PTPRG: variants seen among roughly 807,000 people sequenced by gnomAD.
PTPRG encodes protein tyrosine phosphatase receptor type G.
In PTPRG, 102 loss-of-function variants were observed where a neutral mutation model predicts 165.3. That is an observed-to-expected ratio of 0.62 (90% CI 0.53 to 0.73). The LOEUF is 0.73. Among genes scored for constraint, PTPRG ranks in the 30% least tolerant of loss-of-function variants. The probability of loss-of-function intolerance (pLI) is 0.00; values close to 1 mark genes in which losing one functional copy is unlikely to be tolerated. For missense variants in PTPRG, 1,866 were observed against 1,861.4 expected (o/e 1.00, Z -0.05); for synonymous variants, 675 against 669.5 (o/e 1.01, Z -0.13).
At chr3:62,239,793 C>T (rs1701118027) in intron 14 of PTPRG, among the ~76,000 whole-genome samples, 1 of 152,070 alleles carries the variant, frequency 6.6e-6, no homozygotes, top group Non-Finnish European at 1.5e-5. Flanking sequence ...CTCCAAAATC[C>T]CTGCTTTTGC....
chr3:62,244,301 A>G (rs910569950), intron 15 of PTPRG, among the ~76,000 whole-genome samples: 1 of 152,242 alleles, frequency 6.6e-6, no homozygotes, highest in African/African-American at 2.4e-5. Flanking sequence ...AGAGGAATAC[A>G]TTACTGGTCT....
chr3:61,678,933 AT>A (rs113310833), intron 1 of PTPRG, among the ~76,000 whole-genome samples: 1 of 151,046 alleles, frequency 6.6e-6, no homozygotes, highest in African/African-American at 2.4e-5. Context: ...ATTATGTGCA[AT>A]TTTTTTTTCC....
At chr3:61,774,799 G>A (rs947258020) in intron 2 of PTPRG, among the ~76,000 whole-genome samples, 5 of 152,104 alleles carry the variant, frequency 3.3e-5, no homozygotes, top group South Asian at 2.1e-4. Context: ...GCAGCTTCTC[G>A]GGTTGTTAAG....
chr3:62,183,190 G>C (rs1705727826), intron 8 of PTPRG, among the ~76,000 whole-genome samples: 1 of 152,202 alleles, frequency 6.6e-6, no homozygotes, highest in Non-Finnish European at 1.5e-5. Flanking sequence ...ATTCCCGTGA[G>C]GATTTGATGA....
At chr3:61,971,760 T>A (rs1446333553) in intron 2 of PTPRG, among the ~76,000 whole-genome samples, 1 of 152,276 alleles carries the variant, frequency 6.6e-6, no homozygotes, top group Non-Finnish European at 1.5e-5. Flanking sequence ...GTAAATTTAC[T>A]AAGAGTCATT....
chr3:62,172,121 G>T (rs528119877), intron 8 of PTPRG, among the ~76,000 whole-genome samples: 33 of 152,262 alleles, frequency 2.2e-4, no homozygotes, highest in African/African-American at 7.2e-4. Flanking sequence ...ATATGTGGAG[G>T]TGCCATGTTT....
intron 4 of PTPRG, among the ~76,000 whole-genome samples, chr3:62,063,715 C>A (rs11719421): frequency 0.064 from 9,743 of 152,164 alleles, 451 homozygotes; most frequent in Non-Finnish European, 0.098. Context: ...GTTGCCCAGG[C>A]TAGTCTTGAA....
intron 2 of PTPRG, among the ~76,000 whole-genome samples, chr3:61,804,294 G>A (rs958708321): frequency 5.9e-5 from 9 of 152,308 alleles, no homozygotes; most frequent in African/African-American, 2.2e-4. Context: ...TCTCTTACTG[G>A]AAAGATGTGG....
At chr3:61,768,345 A>G (rs559737267) in intron 2 of PTPRG, among the ~76,000 whole-genome samples, 1 of 152,306 alleles carries the variant, frequency 6.6e-6, no homozygotes, top group African/African-American at 2.4e-5. Context: ...TTAGCTACCT[A>G]GAGATTTAAA....
intron 1 of PTPRG, among the ~76,000 whole-genome samples, chr3:61,681,677 A>T (rs1257316660): frequency 6.6e-6 from 1 of 152,212 alleles, no homozygotes; most frequent in African/African-American, 2.4e-5. Flanking sequence ...TTTAGATGAG[A>T]TAATACATGT....
chr3:61,571,362 G>A (rs191063602), intron 1 of PTPRG, among the ~76,000 whole-genome samples: 5 of 152,254 alleles, frequency 3.3e-5, no homozygotes, highest in African/African-American at 9.6e-5. Flanking sequence ...AGAGAGTATG[G>A]AAACTATTTT....
intron 1 of PTPRG, among the ~76,000 whole-genome samples, chr3:61,679,522 C>T (rs577325186): frequency 7.9e-5 from 12 of 152,256 alleles, no homozygotes; most frequent in East Asian, 5.8e-4. Flanking sequence ...CCGTGGCTCA[C>T]GTCTGTAATC....
At chr3:62,092,631 C>G (rs1270367051) in intron 5 of PTPRG, among the ~76,000 whole-genome samples, 1 of 151,630 alleles carries the variant, frequency 6.6e-6, no homozygotes, top group African/African-American at 2.4e-5. Context: ...AAAATTCAGT[C>G]AAGTACACTT....
chr3:62,231,414 C>A, intron 14 of PTPRG, 103 bp downstream of exon 14: 2 of 847,272 alleles, frequency 2.4e-6, no homozygotes, highest in Non-Finnish European at 3.4e-6. Flanking sequence ...GTAGATGGCA[C>A]AGTGCTGAAA....
chr3:62,134,836 A>AT (rs1703645836), intron 6 of PTPRG, among the ~76,000 whole-genome samples: 1 of 152,228 alleles, frequency 6.6e-6, no homozygotes, highest in African/African-American at 2.4e-5. Flanking sequence ...ATAAGTGAAA[A>AT]TTTTCAAAAT....
chr3:62,017,960 A>G (rs528706037), intron 4 of PTPRG, among the ~76,000 whole-genome samples: 1 of 152,324 alleles, frequency 6.6e-6, no homozygotes, highest in African/African-American at 2.4e-5. Context: ...TGAGAATTGT[A>G]TGCTGCATTT....
chr3:61,909,620 A>G (rs954606857), intron 2 of PTPRG, among the ~76,000 whole-genome samples: 2 of 151,976 alleles, frequency 1.3e-5, no homozygotes, highest in African/African-American at 4.8e-5. Flanking sequence ...CAAAATGCTC[A>G]AGCAGTTATC....
intron 8 of PTPRG, among the ~76,000 whole-genome samples, chr3:62,188,586 T>TA (rs555394826): frequency 2.8e-3 from 427 of 152,284 alleles, no homozygotes; most frequent in Non-Finnish European, 5.1e-3. Flanking sequence ...GTTCCTTTTT[T>TA]AAAAAATATT....
At chr3:61,887,638 C>T (rs1288095226) in intron 2 of PTPRG, among the ~76,000 whole-genome samples, 2 of 151,672 alleles carry the variant, frequency 1.3e-5, no homozygotes, top group African/African-American at 4.8e-5. Context: ...AATCACATTA[C>T]GTGGTTTGAC....
Sources: allele counts gnomAD v4.1 joint callset (sites outside exome capture counted in the v4.1 genomes callset), GRCh38; gene constraint gnomAD v4.1.1; transcripts MANE v1.5; gene names NCBI Gene and HGNC (gene_info 2026-07-23, HGNC 2026-07-21).